The following RTKN2 variants were observed in gnomAD, a reference collection of about 807,000 sequenced individuals.
RTKN2 encodes the protein rhotekin 2.
Under a neutral mutation model 71.5 loss-of-function variants are expected in RTKN2, and 69 were observed. The ratio of observed to expected loss-of-function variants is 0.96; its 90% CI spans 0.79 to 1.18. The LOEUF is 1.18. Among genes scored for constraint, RTKN2 ranks in the 50% most tolerant of loss-of-function variants. The pLI is 0.00. For missense variants in RTKN2, 724 were observed against 719.7 expected (o/e 1.01, Z -0.07); for synonymous variants, 236 against 236.5 (o/e 1.00, Z 0.02).
At chr10:62,251,193 T>G (rs1305607654) in intron 2 of RTKN2, among the ~76,000 whole-genome samples, 1 of 152,158 alleles carries the variant, frequency 6.6e-6, no homozygotes, top group East Asian at 1.9e-4. Flanking sequence ...CAAAAGCAAT[T>G]TATCACCTCA....
chr10:62,218,851 T>C (rs971701598), intron 7 of RTKN2, among the ~76,000 whole-genome samples: 3 of 151,920 alleles, frequency 2.0e-5, no homozygotes, highest in African/African-American at 7.2e-5. Flanking sequence ...CTGGGCATGG[T>C]GGTGCATGCT....
chr10:62,264,706 C>G (rs1328733621), intron 1 of RTKN2, among the ~76,000 whole-genome samples: 1 of 152,192 alleles, frequency 6.6e-6, no homozygotes, highest in Non-Finnish European at 1.5e-5. Context: ...GGCAGTTGAA[C>G]TAGCACAGTG....
chr10:62,186,748 A>AT (rs34368299), intron 8 of RTKN2, among the ~76,000 whole-genome samples: 36,616 of 150,716 alleles, frequency 0.24, 5,842 homozygotes, highest in African/African-American at 0.46. Flanking sequence ...TCAGAAAAAC[A>AT]TTTTTTTTTT....
chr10:62,220,978 A>C (rs2132909810), intron 7 of RTKN2, among the ~76,000 whole-genome samples: 1 of 152,234 alleles, frequency 6.6e-6, no homozygotes, highest in South Asian at 2.1e-4. Flanking sequence ...ATAAACAAAA[A>C]GAACAAGAAG....
intron 10 of RTKN2, among the ~76,000 whole-genome samples, chr10:62,200,763 TAGGTTTTAAA>T (rs1480782403): frequency 2.0e-5 from 3 of 152,138 alleles, no homozygotes; most frequent in Non-Finnish European, 4.4e-5. Flanking sequence ...TATTTTCTTT[TAGGTTTTAAA>T]AGGTATATAA....
intron 11 of RTKN2, among the ~76,000 whole-genome samples, chr10:62,199,250 A>G (rs577612216): frequency 3.9e-5 from 6 of 152,216 alleles, no homozygotes; most frequent in Non-Finnish European, 8.8e-5. Flanking sequence ...AACACCCTTC[A>G]AGGTGTGGGA....
chr10:62,219,263 TG>T (rs1265472225), intron 7 of RTKN2, among the ~76,000 whole-genome samples: 1 of 152,040 alleles, frequency 6.6e-6, no homozygotes, highest in Non-Finnish European at 1.5e-5. Context: ...GTGATGACAC[TG>T]GGGCGCAGCC....
chr10:62,230,713 G>A (rs1252824458), intron 6 of RTKN2, among the ~76,000 whole-genome samples: 1 of 152,170 alleles, frequency 6.6e-6, no homozygotes, highest in Non-Finnish European at 1.5e-5. Context: ...TAACTGACTT[G>A]CCTGTAGCTT....
rs559337753 is a variant in RTKN2 at position 62,222,187 on chromosome 10, C to A, written c.781+1051G>T. 4.6e-5 allele frequency among the ~76,000 whole-genome samples: 7 copies of A among 152,292 alleles called. No individual in the cohort carries two copies. The East Asian group carries it at 9.6e-4, about 21-fold the overall frequency. On this transcript the variant is annotated intron_variant, in intron 7 of 11. Transcript: ENST00000373789. ...ACAATGGTACAATCATACCTCACTG[C>A]AGCCTTGAACTTCTGGGGTCAGGCG...
intron 3 of RTKN2, among the ~76,000 whole-genome samples, chr10:62,243,140 C>G (rs1177157095): frequency 2.6e-5 from 3 of 115,336 alleles, no homozygotes; most frequent in Non-Finnish European, 5.2e-5. Context: ...CCCCTCCCCC[C>G]ACCCCACAAC....
chr10:62,208,097 T>C (rs1841583912), intron 9 of RTKN2, among the ~76,000 whole-genome samples: 1 of 152,122 alleles, frequency 6.6e-6, no homozygotes, highest in Admixed American at 6.5e-5. Context: ...AATAAAAACA[T>C]AAACTGGGAA....
chr10:62,245,919 A>G, intron 3 of RTKN2, 80 bp downstream of exon 3: 1 of 835,066 alleles, frequency 1.2e-6, no homozygotes, highest in Non-Finnish European at 1.9e-6. Context: ...GAGAATGGAG[A>G]CAGGGCATAA....
At chr10:62,190,410 G>A (rs1425145717), downstream of RTKN2, among the ~76,000 whole-genome samples, 2 of 152,240 alleles carry the variant, frequency 1.3e-5, no homozygotes, top group South Asian at 4.1e-4. Context: ...TCTGTAAAAT[G>A]GGGATTGTTA....
At chr10:62,231,716 C>A (rs1024117069) in intron 6 of RTKN2, among the ~76,000 whole-genome samples, 3 of 151,818 alleles carry the variant, frequency 2.0e-5, no homozygotes, top group African/African-American at 7.3e-5. Flanking sequence ...AAATGGTAGT[C>A]TAAAAAATGC....
At chr10:62,236,790 T>TA (rs1222816012) in intron 5 of RTKN2, among the ~76,000 whole-genome samples, 1 of 151,820 alleles carries the variant, frequency 6.6e-6, no homozygotes, top group Non-Finnish European at 1.5e-5. Context: ...CATTCTGCCT[T>TA]AAAAAAGGAG....
At chr10:62,232,011 A>T (rs949947263) in intron 6 of RTKN2, among the ~76,000 whole-genome samples, 8 of 152,200 alleles carry the variant, frequency 5.3e-5, no homozygotes, top group African/African-American at 1.9e-4. Context: ...TGTCAACAGA[A>T]TGCTGGTATT....
intron 11 of RTKN2, among the ~76,000 whole-genome samples, chr10:62,199,268 T>C (rs1841391930): frequency 6.6e-6 from 1 of 152,218 alleles, no homozygotes; most frequent in Non-Finnish European, 1.5e-5. Flanking sequence ...GGAAATTGAA[T>C]ATTAGTGGGT....
At chr10:62,188,035 T>A (rs1841163929) in intron 8 of RTKN2, among the ~76,000 whole-genome samples, 1 of 152,240 alleles carries the variant, frequency 6.6e-6, no homozygotes, top group African/African-American at 2.4e-5. Flanking sequence ...AGTTTTTAGG[T>A]AGACCCTATA....
chr10:62,261,908 GT>G (rs1392622237), intron 2 of RTKN2, among the ~76,000 whole-genome samples: 1 of 152,136 alleles, frequency 6.6e-6, no homozygotes, highest in Non-Finnish European at 1.5e-5. Flanking sequence ...ATGTAAGACT[GT>G]TTTTATTTAA....
Sources: gnomAD v4.1 joint callset for allele counts (sites outside exome capture counted in the v4.1 genomes callset) on GRCh38, gnomAD v4.1.1 for gene constraint, MANE v1.5 for transcripts, NCBI Gene and HGNC (gene_info 2026-07-23, HGNC 2026-07-21) for gene names.